BMP5: variants seen among roughly 807,000 people sequenced by gnomAD.
The protein encoded by BMP5 is bone morphogenetic protein 5.
In BMP5, 23 loss-of-function variants were observed where a neutral mutation model predicts 46.6. The ratio of observed to expected loss-of-function variants is 0.49; its 90% confidence interval spans 0.35 to 0.70. The LOEUF is 0.70. Among genes scored for constraint, BMP5 ranks in the 30% least tolerant of loss-of-function variants. The pLI, the probability that BMP5 is intolerant of heterozygous loss-of-function variation, is 0.00. For synonymous variants in BMP5, 204 were observed against 191.9 expected (o/e 1.06, Z -0.52); for missense variants, 545 against 565.6 (o/e 0.96, Z 0.37).
At chr6:55,834,991 C>T (rs1776755463) in intron 1 of BMP5, among the ~76,000 whole-genome samples, 1 of 151,486 alleles carries the variant, frequency 6.6e-6, no homozygotes, top group Non-Finnish European at 1.5e-5. Context: ...GAGACTGAGG[C>T]AGGAGAATCA....
At chr6:55,810,980 C>A (rs1776120715) in intron 2 of BMP5, among the ~76,000 whole-genome samples, 1 of 152,154 alleles carries the variant, frequency 6.6e-6, no homozygotes, top group Admixed American at 6.5e-5. Flanking sequence ...ACCAAAATCA[C>A]CCCAGGTAAG....
chr6:55,780,502 C>G (rs999456432), intron 3 of BMP5, among the ~76,000 whole-genome samples: 1 of 119,284 alleles, frequency 8.4e-6, no homozygotes, highest in Non-Finnish European at 1.9e-5. Context: ...AAGAAAGAAA[C>G]GTGGTTACAA....
intron 2 of BMP5, among the ~76,000 whole-genome samples, chr6:55,818,093 G>A (rs548183745): frequency 7.2e-5 from 11 of 152,264 alleles, no homozygotes; most frequent in Admixed American, 4.6e-4. Flanking sequence ...TGTATGTCAG[G>A]AATATCGGGA....
chr6:55,847,886 C>G (rs17678558), intron 1 of BMP5, among the ~76,000 whole-genome samples: 3,534 of 151,950 alleles, frequency 0.023, 66 homozygotes, highest in Middle Eastern at 0.068. Flanking sequence ...ATCACTTTTA[C>G]TCCTATAGCT....
rs1445889741 is a variant in BMP5, at chr6:55,870,231, T to C, written c.490+4145A>G. The stretch of plus-strand genomic sequence containing the variant: ...AAAAAAAAAAAGCATTTAATTAAAC[T>C]ATGATTATAACTATCTCTGGCAACC... On this transcript the variant is annotated intron_variant, in intron 1 of 6. Transcript: ENST00000370830. 1.3e-5 allele frequency among the ~76,000 whole-genome samples: 2 copies of C among 151,074 alleles called. 1 individual carries two copies. The highest frequency in any genetic ancestry group is 2.9e-5 in the Non-Finnish European group (2 of 67,798).
chr6:55,796,745 G>T (rs1393159344), intron 2 of BMP5, among the ~76,000 whole-genome samples: 1 of 147,132 alleles, frequency 6.8e-6, no homozygotes, highest in African/African-American at 2.5e-5. Context: ...GTGAGAATAT[G>T]CGGTGTTTGG....
intron 1 of BMP5, among the ~76,000 whole-genome samples, chr6:55,860,784 T>C (rs1002877798): frequency 5.9e-5 from 9 of 152,200 alleles, no homozygotes; most frequent in Non-Finnish European, 1.3e-4. Context: ...CTGTTTGGTA[T>C]TGGGAGCTGA....
At chr6:55,817,187 T>A (rs1275841743) in intron 2 of BMP5, among the ~76,000 whole-genome samples, 1 of 152,210 alleles carries the variant, frequency 6.6e-6, no homozygotes, top group Admixed American at 6.5e-5. Flanking sequence ...TGGAAGATAC[T>A]GTGGCGATTC....
rs751400802 is a variant in BMP5, at chr6:55,874,813, C to T, written c.53G>A (p.Cys18Tyr). 2 of 1,613,236 alleles carry T rather than the reference C, an allele frequency of 1.2e-6. No homozygotes were observed. Among genetic ancestry groups the T allele is most frequent in the Non-Finnish European group, 8.5e-7 (1 of 1,179,584 alleles). The change falls in exon 1 of 7, where the codon TGC (cysteine) becomes TAC (tyrosine). Residue 18 changes from cysteine (C) to tyrosine (Y), a missense_variant. By Grantham distance (194) the Cys-to-Tyr change is radical. Transcript: ENST00000370830. ...TTTTGCATAACCCACTAGAACCCAG[C>T]AGCTCCAGAGGAAACCCACAATACC... ...LKGIVGFLWS[C>Y]WVLVGYAKGG...
chr6:55,842,800 G>A (rs1776994167), intron 1 of BMP5, among the ~76,000 whole-genome samples: 1 of 151,522 alleles, frequency 6.6e-6, no homozygotes, highest in Non-Finnish European at 1.5e-5. Context: ...TATTTGTTTT[G>A]TTGTGTTATA....
At chr6:55,761,885 T>A (rs939530514) in intron 4 of BMP5, among the ~76,000 whole-genome samples, 1 of 152,060 alleles carries the variant, frequency 6.6e-6, no homozygotes, top group Admixed American at 6.6e-5. Flanking sequence ...CACTGATGTA[T>A]CCCTAGTGCC....
At chr6:55,843,854 A>T (rs773472064) in intron 1 of BMP5, among the ~76,000 whole-genome samples, 1 of 152,066 alleles carries the variant, frequency 6.6e-6, no homozygotes. Context: ...GAACAAAAAA[A>T]GATGTTTTAT....
chr6:55,754,701 T>G lies in BMP5; in HGVS notation c.*832A>C, dbSNP rs1774536296. On this transcript the variant is annotated 3_prime_UTR_variant, in exon 7 of 7. Transcript: ENST00000370830. Reference sequence around the variant, plus strand: ...AGTGGAGCACATGTAAATGTTTCTTTATTTTGGACTAGGTTTTTAAATCTG... The same window carrying G: ...AGTGGAGCACATGTAAATGTTTCTTGATTTTGGACTAGGTTTTTAAATCTG... 1 of 151,956 alleles carries G rather than the reference T, an allele frequency of 6.6e-6. No homozygotes were observed. Among genetic ancestry groups the G allele is most frequent in the Non-Finnish European group, 1.5e-5 (1 of 67,918 alleles). 9.4% of individuals were successfully genotyped at this position (151,956 alleles called of 1,614,324 possible). A position where few individuals can be genotyped will look rare whatever the true frequency, so the allele number is the denominator to read the frequency against.
chr6:55,815,238 A>G (rs1485501443), intron 2 of BMP5, among the ~76,000 whole-genome samples: 1 of 152,190 alleles, frequency 6.6e-6, no homozygotes, highest in Non-Finnish European at 1.5e-5. Flanking sequence ...ATTAGCAAAA[A>G]CAAATATCAC....
intron 1 of BMP5, among the ~76,000 whole-genome samples, chr6:55,857,581 T>C (rs1025415175): frequency 1.3e-5 from 2 of 152,204 alleles, no homozygotes; most frequent in Non-Finnish European, 1.5e-5. Context: ...TGAGATTCCA[T>C]GAAAAGAAAT....
intron 2 of BMP5, among the ~76,000 whole-genome samples, chr6:55,811,982 C>T: frequency 6.6e-6 from 1 of 152,162 alleles, no homozygotes; most frequent in East Asian, 1.9e-4. Flanking sequence ...GCTTCTGAGG[C>T]CCTATTTACT....
intron 1 of BMP5, among the ~76,000 whole-genome samples, chr6:55,862,838 C>G (rs1338166047): frequency 1.3e-5 from 2 of 152,146 alleles, no homozygotes; most frequent in Non-Finnish European, 2.9e-5. Flanking sequence ...TTGCTCCAGT[C>G]TTTTTGGACT....
Position 55,755,590 on chromosome 6 carries a change from G to A in BMP5, c.1308C>T (p.Ser436=). 6.2e-7 allele frequency: 1 copy of A among 1,611,832 alleles called. No individual in the cohort carries two copies. Among genetic ancestry groups the A allele is most frequent in the South Asian group, 1.1e-5 (1 of 91,002 alleles). Reference sequence around the variant, plus strand: ...TTCTATATTTTTTCAAAATGACATTGGAGCTGTCATCAAAGTACAGAACAG... The same window carrying A: ...TTCTATATTTTTTCAAAATGACATTAGAGCTGTCATCAAAGTACAGAACAG... ...AISVLYFDDS[S]NVILKKYRNM... The change falls in exon 7 of 7, where the codon TCC becomes TCT. Residue 436 remains serine (S), a synonymous_variant. Transcript: ENST00000370830.
intron 2 of BMP5, among the ~76,000 whole-genome samples, chr6:55,808,308 A>G (rs1582081978): frequency 6.6e-6 from 1 of 152,172 alleles, no homozygotes. Flanking sequence ...ACTTCTTGGG[A>G]CCAAGCCATC....
Sources: allele counts gnomAD v4.1 joint callset (sites outside exome capture counted in the v4.1 genomes callset), GRCh38; gene constraint gnomAD v4.1.1; transcripts MANE v1.5; gene names NCBI Gene and HGNC (gene_info 2026-07-23, HGNC 2026-07-21).